CFAP96: variants seen among roughly 807,000 people sequenced by gnomAD.
The protein encoded by CFAP96 is cilia and flagella associated protein 96, also known as cilia-and flagella-associated protein 96.
At chr4:185,417,220 A>G in the CFAP96 span, among the ~76,000 whole-genome samples, 1 of 152,310 alleles carries the variant, frequency 6.6e-6, no homozygotes, top group Admixed American at 6.5e-5. Flanking sequence ...AATAACAAGG[A>G]AGCATAAAAC....
the CFAP96 span, among the ~76,000 whole-genome samples, chr4:185,429,870 T>G: frequency 6.6e-6 from 1 of 152,000 alleles, no homozygotes; most frequent in Non-Finnish European, 1.5e-5. Context: ...GAGCTCTCAC[T>G]ATGTTGCCCA....
chr4:185,446,725 A>G, the CFAP96 span, among the ~76,000 whole-genome samples: 1 of 5,420 alleles, frequency 1.8e-4, no homozygotes, highest in Admixed American at 4.8e-3. Flanking sequence ...ATAGCCCACA[A>G]CATTTTTTGT....
At chr4:185,413,156 C>T in the CFAP96 span, among the ~76,000 whole-genome samples, 4 of 151,826 alleles carry the variant, frequency 2.6e-5, no homozygotes, top group African/African-American at 7.2e-5. Context: ...AATACAAAAA[C>T]TAGCCAGGTG....
chr4:185,425,994 G>T, the CFAP96 span: 1 of 1,126,044 alleles, frequency 8.9e-7, no homozygotes, highest in Non-Finnish European at 1.3e-6. Context: ...CTCCCGACAT[G>T]CTCGGCGGCA....
chr4:185,447,110 T>C, the CFAP96 span, among the ~76,000 whole-genome samples: 5 of 152,244 alleles, frequency 3.3e-5, no homozygotes, highest in Non-Finnish European at 5.9e-5. Flanking sequence ...TTATGTGTTA[T>C]AGTCATTCCA....
chr4:185,422,172 CATGT>C, the CFAP96 span, among the ~76,000 whole-genome samples: 2 of 152,196 alleles, frequency 1.3e-5, no homozygotes, highest in Non-Finnish European at 2.9e-5. Context: ...GCAAGTCTGT[CATGT>C]ACAATTCTCG....
the CFAP96 span, chr4:185,415,585 T>C: frequency 1.1e-6 from 1 of 905,550 alleles, no homozygotes; most frequent in Non-Finnish European, 1.6e-6. Context: ...AATTAATAGA[T>C]GGCTCTTAGG....
the CFAP96 span, among the ~76,000 whole-genome samples, chr4:185,428,863 A>T: frequency 2.0e-5 from 3 of 152,154 alleles, no homozygotes; most frequent in Admixed American, 1.3e-4. Context: ...GTTGTAGGGT[A>T]ATACCTCAAT....
the CFAP96 span, chr4:185,425,998 G>T: frequency 1.8e-6 from 2 of 1,098,666 alleles, no homozygotes; most frequent in Admixed American, 2.2e-5. Context: ...CGACATGCTC[G>T]GCGGCATGAC....
At chr4:185,415,584 A>G in the CFAP96 span, 1 of 902,226 alleles carries the variant, frequency 1.1e-6, no homozygotes, top group Non-Finnish European at 1.6e-6. Context: ...TAATTAATAG[A>G]TGGCTCTTAG....
chr4:185,440,578 A>T, the CFAP96 span: 1 of 1,534,914 alleles, frequency 6.5e-7, no homozygotes, highest in African/African-American at 1.4e-5. Flanking sequence ...TTAAAGGAGC[A>T]CCATTTAAGT....
At chr4:185,428,566 A>G in the CFAP96 span, among the ~76,000 whole-genome samples, 1 of 40,342 alleles carries the variant, frequency 2.5e-5, no homozygotes, top group South Asian at 1.3e-3. Flanking sequence ...TAAAAAAAAA[A>G]AAAACAACAA....
the CFAP96 span, among the ~76,000 whole-genome samples, chr4:185,420,355 G>C: frequency 6.6e-6 from 1 of 151,970 alleles, no homozygotes; most frequent in Non-Finnish European, 1.5e-5. Flanking sequence ...ACATTTTTAC[G>C]TTTCCAAAGT....
chr4:185,409,719 G>A, the CFAP96 span, among the ~76,000 whole-genome samples: 2 of 152,194 alleles, frequency 1.3e-5, no homozygotes, highest in African/African-American at 2.4e-5. Context: ...AAAAAGGAAA[G>A]CAAAGGTATT....
the CFAP96 span, among the ~76,000 whole-genome samples, chr4:185,438,531 A>C: frequency 6.6e-6 from 1 of 152,098 alleles, no homozygotes; most frequent in Admixed American, 6.6e-5. Flanking sequence ...CATCTATATT[A>C]GTTCTTGGTT....
chr4:185,437,976 C>T, the CFAP96 span, among the ~76,000 whole-genome samples: 129,016 of 151,926 alleles, frequency 0.85, 55,704 homozygotes, highest in East Asian at 0.99. Flanking sequence ...TGTTCTTCTG[C>T]ATGCACTATG....
At chr4:185,439,845 A>G in the CFAP96 span, among the ~76,000 whole-genome samples, 7 of 148,314 alleles carry the variant, frequency 4.7e-5, no homozygotes, top group African/African-American at 1.7e-4. Flanking sequence ...TCTCATATAT[A>G]CATATAAAAT....
chr4:185,445,366 T>C, the CFAP96 span: 2 of 774,676 alleles, frequency 2.6e-6, no homozygotes, highest in Admixed American at 2.6e-5. Flanking sequence ...AACCATTCTG[T>C]GCATAATTTT....
the CFAP96 span, chr4:185,426,135 G>C: frequency 1.8e-6 from 1 of 543,460 alleles, no homozygotes. Context: ...ACATCCTTCT[G>C]TGTGTTCTTC....
Sources: gnomAD v4.1 joint callset for allele counts (sites outside exome capture counted in the v4.1 genomes callset) on GRCh38, gnomAD v4.1.1 for gene constraint, MANE v1.5 for transcripts, NCBI Gene and HGNC (gene_info 2026-07-23, HGNC 2026-07-21) for gene names.